LHPP: variants seen among roughly 807,000 people sequenced by gnomAD.
LHPP encodes the protein phospholysine phosphohistidine inorganic pyrophosphate phosphatase.
Under a neutral mutation model 30.3 loss-of-function variants are expected in LHPP, and 24 were observed. The observed-to-expected ratio is 0.79, with a 90% confidence interval of 0.57 to 1.11. The LOEUF (loss-of-function observed/expected upper bound fraction) is 1.11, where lower values mean the gene tolerates loss of function less well. Among genes scored for constraint, LHPP ranks in the 50% most tolerant of loss-of-function variants. The pLI, the probability that LHPP is intolerant of heterozygous loss-of-function variation, is 0.00. For missense variants in LHPP, 356 were observed against 367.2 expected, an observed-to-expected ratio of 0.97 and a Z score of 0.25; for synonymous variants, 150 against 157.1, an observed-to-expected ratio of 0.95 and a Z score of 0.34.
In LHPP at chr10:124,596,829, A is replaced by C. The variant is rs1948949246; in HGVS notation, c.717-16435A>C. 1.3e-5 allele frequency among the ~76,000 whole-genome samples: 2 copies of C among 152,220 alleles called. No individual in the cohort carries two copies. The highest frequency in any genetic ancestry group is 4.8e-5 in the African/African-American group (2 of 41,460). On this transcript the variant is annotated intron_variant, in intron 6 of 6. Coordinates refer to ENST00000368842, the MANE Select transcript of LHPP (RefSeq NM_022126.4). This position sits in a 1 kb window ranked among gnomAD's most constrained non-coding sequence, Gnocchi z 4.6. Reference sequence around the variant, plus strand: ...TGAGGTGTCAACCTGATTGGATTGAAGGATGCCTAGATGGCTGGTAAAGTT... The same window carrying C: ...TGAGGTGTCAACCTGATTGGATTGACGGATGCCTAGATGGCTGGTAAAGTT...
chr10:124,526,899 C>T (rs1346252151), intron 6 of LHPP, among the ~76,000 whole-genome samples: 1 of 152,240 alleles, frequency 6.6e-6, no homozygotes, highest in Non-Finnish European at 1.5e-5. Flanking sequence ...GGCCAGGCCG[C>T]AGCAAGCAGG....
At chr10:124,555,008 G>A (rs930439106) in intron 6 of LHPP, among the ~76,000 whole-genome samples, 1 of 152,230 alleles carries the variant, frequency 6.6e-6, no homozygotes, top group African/African-American at 2.4e-5. Context: ...TGGCATTTTA[G>A]TCTCACTTTA....
chr10:124,602,398 C>T (rs1452399974), intron 6 of LHPP, among the ~76,000 whole-genome samples: 7 of 152,244 alleles, frequency 4.6e-5, no homozygotes, highest in Non-Finnish European at 1.0e-4. Context: ...GTCCTGGAGG[C>T]CACAAGTCTG....
intron 1 of LHPP, among the ~76,000 whole-genome samples, chr10:124,465,216 G>A (rs895035098): frequency 6.6e-6 from 1 of 152,056 alleles, no homozygotes; most frequent in African/African-American, 2.4e-5. Flanking sequence ...CGCATTCCAG[G>A]CAGAAGGAAT....
rs78651521 is a variant in LHPP at position 124,600,159 on chromosome 10, T to C, written c.717-13105T>C. On this transcript the variant is annotated intron_variant, in intron 6 of 6. Transcript: ENST00000368842. ...TCCAAGGCCCCCCTGTGGGCCACAT[T>C]AGGGAGACAGGGTCTGGCCTTGTTG... Among the ~76,000 whole-genome samples, 244 of 152,272 alleles carry C rather than the reference T, an allele frequency of 1.6e-3. 6 individuals are homozygous for C. In the East Asian group the frequency reaches 0.044, roughly 27 times the overall value.
In LHPP at chr10:124,613,669, G is replaced by A; in HGVS notation, c.*309G>A. ...CAGGAGGGTGGGACAGGCCTGTCAG[G>A]CCTCTGGGAATCTCCCAAATCCCAG... On this transcript the variant is annotated 3_prime_UTR_variant, in exon 7 of 7. Coordinates refer to ENST00000368842, the MANE Select transcript of LHPP (RefSeq NM_022126.4). The A allele has an allele frequency of 4.4e-6, 2 of 455,498 alleles. No individual in the cohort carries two copies. The highest frequency in any genetic ancestry group is 5.3e-5 in the South Asian group (2 of 37,410). The allele number at this position is 455,498 out of a possible 1,614,324, so 28.2% of individuals were successfully genotyped here. A position where few individuals can be genotyped will look rare whatever the true frequency, so the allele number is the denominator to read the frequency against.
At chr10:124,504,341 C>A (rs1953998266) in intron 5 of LHPP, among the ~76,000 whole-genome samples, 1 of 151,266 alleles carries the variant, frequency 6.6e-6, no homozygotes, top group Non-Finnish European at 1.5e-5. Flanking sequence ...CCTGAAATCC[C>A]AGCACTTTGG....
Position 124,598,959 on chromosome 10 carries a change from A to C in LHPP, c.717-14305A>C, listed in dbSNP as rs182143692. ...CATCCCCGTCCATCCATCTCCATCT[A>C]TCCATCTCTGTCCTTCCATCTCCAT... On this transcript the variant is annotated intron_variant, in intron 6 of 6. Transcript: ENST00000368842. 2.8e-3 allele frequency among the ~76,000 whole-genome samples: 401 copies of C among 145,112 alleles called. 1 individual carries two copies. The highest frequency in any genetic ancestry group is 0.01 in the African/African-American group (387 of 38,374).
At chr10:124,506,141 C>G (rs1177737162) in intron 5 of LHPP, among the ~76,000 whole-genome samples, 1 of 151,994 alleles carries the variant, frequency 6.6e-6, no homozygotes, top group East Asian at 1.9e-4. Context: ...CCCAGCTGCT[C>G]AGGAAGCTGA....
chr10:124,497,313 C>A (rs1035631214), intron 4 of LHPP, among the ~76,000 whole-genome samples: 1 of 106,562 alleles, frequency 9.4e-6, no homozygotes, highest in Admixed American at 9.3e-5. Flanking sequence ...GCGCAGCCCC[C>A]CCTGCCCGCC....
rs1953549442 is a variant in LHPP, at chr10:124,492,056, C to G, written c.467+3481C>G. Among the ~76,000 whole-genome samples, 3 of 152,322 alleles carry G rather than the reference C, an allele frequency of 2.0e-5. No individual in the cohort carries two copies. In the East Asian group the frequency reaches 5.8e-4, roughly 29 times the overall value. ...TCTGACAATACGGAGCCTCACATTC[C>G]TGCACACACAGCAGCCATAGCTGGA... On this transcript the variant is annotated intron_variant, in intron 3 of 6. Coordinates refer to ENST00000368842, the MANE Select transcript of LHPP (RefSeq NM_022126.4).
intron 5 of LHPP, among the ~76,000 whole-genome samples, chr10:124,508,427 G>A (rs558967661): frequency 2.8e-4 from 43 of 152,292 alleles, no homozygotes; most frequent in South Asian, 4.1e-4. Flanking sequence ...TCTGTCCACC[G>A]ATGCCTGGCA....
intron 6 of LHPP, among the ~76,000 whole-genome samples, chr10:124,536,344 A>G (rs1564816543): frequency 6.6e-6 from 1 of 152,360 alleles, no homozygotes; most frequent in South Asian, 2.1e-4. Flanking sequence ...GAACCAGGAA[A>G]GAGGAAGCGG....
intron 5 of LHPP, chr10:124,498,563 A>G: frequency 8.7e-7 from 1 of 1,154,326 alleles, no homozygotes; most frequent in Non-Finnish European, 1.2e-6. Context: ...TCCAAATTTT[A>G]GAAAGGAAAA....
chr10:124,553,706 G>T (rs193027439), intron 6 of LHPP, among the ~76,000 whole-genome samples: 2 of 152,116 alleles, frequency 1.3e-5, no homozygotes, highest in African/African-American at 4.8e-5. Flanking sequence ...TGATCCGCCC[G>T]CCTCGGCCTC....
chr10:124,465,996 A>G (rs1952542962), intron 1 of LHPP, among the ~76,000 whole-genome samples: 1 of 152,234 alleles, frequency 6.6e-6, no homozygotes, highest in South Asian at 2.1e-4. Context: ...CATTGCTTGC[A>G]GAAGATACAT....
chr10:124,543,587 CAG>C (rs2133948007), intron 6 of LHPP, among the ~76,000 whole-genome samples: 1 of 152,312 alleles, frequency 6.6e-6, no homozygotes, highest in Admixed American at 6.5e-5. Context: ...GTGAGGAGTT[CAG>C]CTGCCCATGG....
chr10:124,612,140 A>T (rs927944915), intron 6 of LHPP, among the ~76,000 whole-genome samples: 4 of 152,050 alleles, frequency 2.6e-5, no homozygotes, highest in African/African-American at 9.7e-5. Context: ...ACGGTGGCTC[A>T]CTCCTGTAAT....
intron 1 of LHPP, among the ~76,000 whole-genome samples, chr10:124,480,486 G>A (rs950061727): frequency 1.3e-5 from 2 of 152,094 alleles, no homozygotes; most frequent in Admixed American, 1.3e-4. Context: ...CTGTCACATC[G>A]ATTGCTCACT....
Sources: allele counts gnomAD v4.1 joint callset (sites outside exome capture counted in the v4.1 genomes callset), GRCh38; gene constraint gnomAD v4.1.1; non-coding constraint Gnocchi (gnomAD v3.1); transcripts MANE v1.5; gene names NCBI Gene and HGNC (gene_info 2026-07-23, HGNC 2026-07-21).